DDHD1: variants seen among roughly 807,000 people sequenced by gnomAD.
DDHD1 encodes DDHD domain containing 1, also known as phospholipase DDHD1.
Under a neutral mutation model 96.4 loss-of-function variants are expected in DDHD1, and 49 were observed. That is an observed-to-expected ratio of 0.51 (90% CI 0.40 to 0.64). The LOEUF is 0.64. Among genes scored for constraint, DDHD1 ranks in the 30% least tolerant of loss-of-function variants. DDHD1 has a pLI of 0.00. For synonymous variants in DDHD1, 442 were observed against 446.5 expected (o/e 0.99, Z 0.13); for missense variants, 1,106 against 1,161.2 (o/e 0.95, Z 0.69).
At chr14:53,132,952 C>T (rs1889984040) in intron 1 of DDHD1, among the ~76,000 whole-genome samples, 1 of 152,224 alleles carries the variant, frequency 6.6e-6, no homozygotes, top group African/African-American at 2.4e-5. Flanking sequence ...ACCTACCAAT[C>T]TTTTCCCACA....
At chr14:53,136,961 A>C (rs1890283929) in intron 1 of DDHD1, among the ~76,000 whole-genome samples, 1 of 152,226 alleles carries the variant, frequency 6.6e-6, no homozygotes, top group Non-Finnish European at 1.5e-5. Context: ...GTCAATAAAA[A>C]CATCCGGAAA....
At position 53,116,512 on chromosome 14, in the gene DDHD1, TAACA is replaced by T. The variant is rs369352636; in HGVS notation, c.839-12660_839-12657del. ...AACAAATGCAAAAGAATGGAAATCATAACAAACAGTCTCTCAGACCACAGTGCAA... is the reference window on the plus strand; with the variant it reads ...AACAAATGCAAAAGAATGGAAATCATAACAGTCTCTCAGACCACAGTGCAA... On this transcript the variant is annotated intron_variant, in intron 1 of 12. Coordinates refer to ENST00000673822, the MANE Select transcript of DDHD1 (RefSeq NM_001160148.2). Among the ~76,000 whole-genome samples, 591 of 152,264 alleles carry T rather than the reference TAACA, an allele frequency of 3.9e-3. 7 individuals are homozygous for T. The highest frequency in any genetic ancestry group is 0.014 in the African/African-American group (565 of 41,556).
chr14:53,082,634 CTG>C lies in DDHD1; in HGVS notation c.1290-8789_1290-8788del, dbSNP rs1274165981. ...ATTAGCCGGGTGTGGTGACGTGTGA[CTG>C]TAGTTCCAGCTACTAGGAAGGCTGA... On this transcript the variant is annotated intron_variant, in intron 4 of 12. Transcript: ENST00000673822. 4.0e-5 allele frequency among the ~76,000 whole-genome samples: 6 copies of C among 151,608 alleles called. No individual in the cohort carries two copies. The East Asian group carries it at 7.8e-4, about 20-fold the overall frequency.
At chr14:53,052,410 G>C (rs1330656565) in intron 11 of DDHD1, 1 of 152,762 alleles carries the variant, frequency 6.5e-6, no homozygotes, top group Admixed American at 6.5e-5. Context: ...AAAGTCGGTA[G>C]CTTCAGAATA....
Position 53,091,917 on chromosome 14 carries a change from G to C in DDHD1, c.1157C>G (p.Thr386Ser), listed in dbSNP as rs1228363682. The C allele has an allele frequency of 2.5e-6, 4 of 1,608,000 alleles. No homozygotes were observed. Among genetic ancestry groups the C allele is most frequent in the South Asian group, 2.2e-5 (2 of 90,016 alleles). Residue 386 changes from threonine to serine, a missense_variant, in exon 4 of 13, where the codon ACC (threonine) becomes AGC (serine). Coordinates refer to ENST00000673822, the MANE Select transcript of DDHD1 (RefSeq NM_001160148.2). ...LGFSKASSSG[T>S]RLHRGYVEEA... ...TTCTACATAACCTCTATGAAGTCTGGTACCACTACTTGATGCTGTAGAAAA... is the reference window on the plus strand; with the variant it reads ...TTCTACATAACCTCTATGAAGTCTGCTACCACTACTTGATGCTGTAGAAAA...
chr14:53,063,305 C>T lies in DDHD1; in HGVS notation c.1504-100G>A, dbSNP rs148843008. 666 of 1,327,106 alleles carry T rather than the reference C, an allele frequency of 5.0e-4. 3 individuals are homozygous for T. The African/African-American group carries it at 7.3e-3, about 15-fold the overall frequency. 82.2% of individuals were successfully genotyped at this position (1,327,106 alleles called of 1,614,324 possible). On this transcript the variant is annotated intron_variant, in intron 6 of 12. Coordinates refer to ENST00000673822, the MANE Select transcript of DDHD1 (RefSeq NM_001160148.2). ...ATTAAGGTAGAAAAACATACATTAC[C>T]GATCAAATATACCTAGGTTATTAAA... is the stretch of plus-strand genomic sequence containing the variant.
Position 53,152,847 on chromosome 14 carries a change from G to A in DDHD1, c.252C>T (p.Leu84=), listed in dbSNP as rs1331865431. Residue 84 remains leucine, a synonymous_variant, in exon 1 of 13, where the codon CTC becomes CTT. Transcript: ENST00000673822. ...AGCTGAAGTCATAGTTCTCGTCACT[G>A]AGGCAGGGGTCCAGCGCGAGGTGGT... is the stretch of plus-strand genomic sequence containing the variant. The part of the protein sequence containing the change: ...HNHHLALDPC[L]SDENYDFSSA... 6.2e-7 allele frequency: 1 copy of A among 1,612,404 alleles called. No individual in the cohort carries two copies. The highest frequency in any genetic ancestry group is 1.1e-5 in the South Asian group (1 of 90,972).
intron 4 of DDHD1, among the ~76,000 whole-genome samples, chr14:53,090,618 G>A (rs142631275): frequency 3.9e-5 from 6 of 152,076 alleles, no homozygotes; most frequent in Middle Eastern, 3.2e-3. Flanking sequence ...GCAAACTATC[G>A]CAAGGACAGA....
At chr14:53,150,194 G>C (rs1862054769) in intron 1 of DDHD1, 2 of 152,150 alleles carry the variant, frequency 1.3e-5, no homozygotes, top group South Asian at 2.1e-4. Context: ...CTGTGTCCTT[G>C]TGTATGTGCC....
chr14:53,119,168 A>G (rs1489263877), intron 1 of DDHD1, among the ~76,000 whole-genome samples: 1 of 152,246 alleles, frequency 6.6e-6, no homozygotes, highest in Non-Finnish European at 1.5e-5. Flanking sequence ...AGGAAGCACT[A>G]AACATGGAAA....
intron 7 of DDHD1, among the ~76,000 whole-genome samples, chr14:53,062,271 T>G (rs1883648531): frequency 6.6e-6 from 1 of 152,006 alleles, no homozygotes. Flanking sequence ...ACAAAACTAG[T>G]AAAAATTTTA....
chr14:53,074,890 T>C (rs1238007485), intron 4 of DDHD1, among the ~76,000 whole-genome samples: 1 of 152,170 alleles, frequency 6.6e-6, no homozygotes, highest in African/African-American at 2.4e-5. Flanking sequence ...TGTCTCTGTG[T>C]CACATTTTGT....
chr14:53,113,045 C>T (rs570898459), intron 1 of DDHD1, among the ~76,000 whole-genome samples: 85 of 152,172 alleles, frequency 5.6e-4, no homozygotes, highest in African/African-American at 2.0e-3. Context: ...CTGCAACCTC[C>T]ACCTCCCAGG....
In DDHD1 at chr14:53,058,645, C is replaced by A; in HGVS notation, c.1843-19G>T. On this transcript the variant is annotated intron_variant, in intron 8 of 12. Transcript: ENST00000673822. ...TCTCAACCTAAAATGATAAAGTCAT[C>A]TTAAAGTTTAAAAATGGTGAAGTGT... 1 of 1,573,152 alleles carries A rather than the reference C, an allele frequency of 6.4e-7. No individual in the cohort carries two copies. Among genetic ancestry groups the A allele is most frequent in the Non-Finnish European group, 8.6e-7 (1 of 1,160,936 alleles).
chr14:53,046,921 T>C lies in DDHD1; in HGVS notation c.2550A>G (p.Glu850=). The C allele has an allele frequency of 1.2e-6, 2 of 1,610,092 alleles. No individual in the cohort carries two copies. Among genetic ancestry groups the C allele is most frequent in the Non-Finnish European group, 1.7e-6 (2 of 1,178,278 alleles). ...GGCTCTCCACAAGGCCTTCTCTGAG[T>C]TCAAAATCAATCCTGTGATCCAACT... is the stretch of plus-strand genomic sequence containing the variant. ...LVELDHRIDF[E]LREGLVESRY... Residue 850 remains glutamate, a synonymous_variant, in exon 13 of 13, where the codon GAA becomes GAG. Coordinates refer to ENST00000673822, the MANE Select transcript of DDHD1 (RefSeq NM_001160148.2).
chr14:53,085,314 GC>G (rs1390001038), intron 4 of DDHD1, among the ~76,000 whole-genome samples: 3 of 152,194 alleles, frequency 2.0e-5, no homozygotes, highest in Non-Finnish European at 4.4e-5. Context: ...TGGACAGATT[GC>G]CTCCTCAAGT....
chr14:53,151,276 T>C lies in DDHD1; in HGVS notation c.838+985A>G, dbSNP rs536235188. Among the ~76,000 whole-genome samples the C allele has an allele frequency of 1.2e-4, 19 of 152,280 alleles. 1 individual carries two copies. In the South Asian group the frequency reaches 3.9e-3, roughly 32 times the overall value. On this transcript the variant is annotated intron_variant, in intron 1 of 12. Transcript: ENST00000673822. ...AAGGTTGTCACAATCAATGAAGACATCTAAGTTAGGGCATTGGGCCCACGA... is the reference window on the plus strand; with the variant it reads ...AAGGTTGTCACAATCAATGAAGACACCTAAGTTAGGGCATTGGGCCCACGA...
intron 6 of DDHD1, 90 bp from the exon 7 acceptor site, chr14:53,063,295 CAT>C: frequency 7.1e-7 from 1 of 1,401,542 alleles, no homozygotes; most frequent in Non-Finnish European, 9.6e-7. Context: ...GGTAGAAAAA[CAT>C]ACATTACCGA....
At chr14:53,095,853 T>G (rs1200428672) in intron 2 of DDHD1, among the ~76,000 whole-genome samples, 1 of 152,112 alleles carries the variant, frequency 6.6e-6, no homozygotes, top group Non-Finnish European at 1.5e-5. Context: ...TAGAGATGAG[T>G]GTTAAGCCAG....
Sources: gnomAD v4.1 joint callset for allele counts (sites outside exome capture counted in the v4.1 genomes callset) on GRCh38, gnomAD v4.1.1 for gene constraint, MANE v1.5 for transcripts, NCBI Gene and HGNC (gene_info 2026-07-23, HGNC 2026-07-21) for gene names.